The following DOCK4 variants were observed in gnomAD, a reference collection of about 807,000 sequenced individuals.
The protein encoded by DOCK4 is dedicator of cytokinesis protein 4.
A neutral mutation model predicts 268.1 loss-of-function variants in DOCK4; 97 were observed. The observed-to-expected ratio is 0.36, with a 90% CI of 0.31 to 0.43. The LOEUF (loss-of-function observed/expected upper bound fraction) is 0.43. Among genes scored for constraint, DOCK4 ranks in the 20% least tolerant of loss-of-function variants. The probability of loss-of-function intolerance (pLI) is 1.00; values close to 1 mark genes in which losing one functional copy is unlikely to be tolerated. For missense variants in DOCK4, 2,145 were observed against 2,455.7 expected (o/e 0.87, Z 2.67); for synonymous variants, 954 against 887.2 (o/e 1.08, Z -1.34).
chr7:112,007,177 C>T (rs146320361), intron 1 of DOCK4, among the ~76,000 whole-genome samples: 1 of 152,148 alleles, frequency 6.6e-6, no homozygotes, highest in Non-Finnish European at 1.5e-5. Flanking sequence ...TCCGACCACA[C>T]CTCAAATATA....
At chr7:111,879,817 T>C (rs1337402620) in intron 16 of DOCK4, among the ~76,000 whole-genome samples, 2 of 152,200 alleles carry the variant, frequency 1.3e-5, no homozygotes, top group South Asian at 2.1e-4. Context: ...AATAGCAGAA[T>C]TGATAAAGCA....
At chr7:111,770,236 AAAAAG>A (rs1798042012) in intron 36 of DOCK4, among the ~76,000 whole-genome samples, 1 of 136,870 alleles carries the variant, frequency 7.3e-6, no homozygotes, top group Admixed American at 6.9e-5. Context: ...AAAAAAAAAA[AAAAAG>A]AAAAAGAAAA....
At chr7:111,783,018 G>T (rs200044670) in intron 34 of DOCK4, 94 bp from the exon 35 acceptor site, 69 of 512,444 alleles carry the variant, frequency 1.3e-4, no homozygotes, top group Middle Eastern at 4.5e-4. Context: ...AAGAAAGAAA[G>T]AAAAAAAAAA....
chr7:112,130,129 A>C (rs1813670412), intron 1 of DOCK4, among the ~76,000 whole-genome samples: 1 of 152,180 alleles, frequency 6.6e-6, no homozygotes, highest in South Asian at 2.1e-4. Context: ...GTAAGAGGTC[A>C]CCTGGCAAAC....
chr7:112,187,860 C>T (rs903729712), intron 1 of DOCK4, among the ~76,000 whole-genome samples: 3 of 151,978 alleles, frequency 2.0e-5, no homozygotes, highest in African/African-American at 7.3e-5. Context: ...ATTTTCATCC[C>T]TTTTTTTCAC....
intron 1 of DOCK4, among the ~76,000 whole-genome samples, chr7:112,025,113 C>T (rs969205357): frequency 8.5e-5 from 13 of 152,190 alleles, no homozygotes; most frequent in Admixed American, 8.5e-4. Flanking sequence ...GATGATAGTA[C>T]AGATGTCTTC....
chr7:111,992,207 C>T (rs1799599030), intron 5 of DOCK4, among the ~76,000 whole-genome samples: 1 of 152,066 alleles, frequency 6.6e-6, no homozygotes, highest in Admixed American at 6.6e-5. Flanking sequence ...TGCTTTTATG[C>T]TAAGCATTGT....
rs186030105 is a variant in DOCK4 at position 111,891,563 on chromosome 7, C to G, written c.1587+4049G>C. On this transcript the variant is annotated intron_variant, in intron 16 of 52. Transcript: ENST00000428084. ...ATCTGCAGTGATCATCCTTGAATCA[C>G]CTTTGCTCACCTTGTCTTATTATCT... 3.3e-5 allele frequency among the ~76,000 whole-genome samples: 5 copies of G among 152,322 alleles called. No homozygotes were observed. In the East Asian group the frequency reaches 9.6e-4, roughly 29 times the overall value.
chr7:112,132,504 G>C (rs528366408), intron 1 of DOCK4, among the ~76,000 whole-genome samples: 1 of 151,984 alleles, frequency 6.6e-6, no homozygotes, highest in East Asian at 1.9e-4. Flanking sequence ...ATGATATCTA[G>C]AAACAACACA....
At chr7:111,897,023 T>C (rs1331979507) in intron 15 of DOCK4, among the ~76,000 whole-genome samples, 2 of 152,196 alleles carry the variant, frequency 1.3e-5, no homozygotes, top group Non-Finnish European at 2.9e-5. Flanking sequence ...CAGGTTCATT[T>C]AAGAACAACT....
intron 1 of DOCK4, among the ~76,000 whole-genome samples, chr7:112,077,621 G>A (rs1808193029): frequency 6.6e-6 from 1 of 152,038 alleles, no homozygotes; most frequent in South Asian, 2.1e-4. Flanking sequence ...TTAAACCATA[G>A]TGTGTAATAG....
At chr7:111,916,592 C>T (rs902542932) in intron 12 of DOCK4, among the ~76,000 whole-genome samples, 1 of 152,070 alleles carries the variant, frequency 6.6e-6, no homozygotes, top group Non-Finnish European at 1.5e-5. Context: ...ATTATAAGGA[C>T]ATTACCTTAG....
chr7:112,007,149 T>C (rs959709409), intron 1 of DOCK4, among the ~76,000 whole-genome samples: 1 of 152,180 alleles, frequency 6.6e-6, no homozygotes, highest in African/African-American at 2.4e-5. Flanking sequence ...TACTCCCTCA[T>C]CTGTGTTCTC....
chr7:112,125,910 G>A (rs1813178984), intron 1 of DOCK4, among the ~76,000 whole-genome samples: 1 of 152,092 alleles, frequency 6.6e-6, no homozygotes, highest in Non-Finnish European at 1.5e-5. Flanking sequence ...CCTGTCTCAG[G>A]AGATTATCTC....
At chr7:112,085,796 T>C (rs764516753) in intron 1 of DOCK4, among the ~76,000 whole-genome samples, 5 of 152,122 alleles carry the variant, frequency 3.3e-5, no homozygotes, top group Non-Finnish European at 5.9e-5. Flanking sequence ...GATCTAGGTA[T>C]CTTCAGCAGT....
intron 6 of DOCK4, 34 bp from the exon 7 acceptor site, chr7:111,984,424 G>C: frequency 1.9e-6 from 3 of 1,569,326 alleles, no homozygotes; most frequent in Non-Finnish European, 2.6e-6. Flanking sequence ...TGGGGGAAAA[G>C]TTACCTCCAT....
At chr7:112,123,542 C>A (rs149298155) in intron 1 of DOCK4, among the ~76,000 whole-genome samples, 54 of 152,312 alleles carry the variant, frequency 3.5e-4, no homozygotes, top group African/African-American at 1.3e-3. Flanking sequence ...TTCAATCATT[C>A]AAGCAAAGAA....
intron 1 of DOCK4, among the ~76,000 whole-genome samples, chr7:112,091,178 G>C (rs1313040050): frequency 6.6e-6 from 1 of 152,168 alleles, no homozygotes. Flanking sequence ...ACTTAGTATT[G>C]ACTCCAGTGT....
At chr7:112,178,302 T>C (rs1818701799) in intron 1 of DOCK4, among the ~76,000 whole-genome samples, 1 of 152,182 alleles carries the variant, frequency 6.6e-6, no homozygotes, top group South Asian at 2.1e-4. Context: ...CCTTTCTTCT[T>C]ATTCAATTTT....
Sources: gnomAD v4.1 joint callset for allele counts (sites outside exome capture counted in the v4.1 genomes callset) on GRCh38, gnomAD v4.1.1 for gene constraint, MANE v1.5 for transcripts, NCBI Gene and HGNC (gene_info 2026-07-23, HGNC 2026-07-21) for gene names.